Variants in CCDC57 observed in about 807,000 individuals in gnomAD.
The protein encoded by CCDC57 is coiled-coil domain containing 57.
Under a neutral mutation model 118.9 loss-of-function variants are expected in CCDC57, and 118 were observed. The ratio of observed to expected loss-of-function variants is 0.99; its 90% CI spans 0.86 to 1.16. The LOEUF (loss-of-function observed/expected upper bound fraction) is 1.16. Among genes scored for constraint, CCDC57 ranks in the 50% most tolerant of loss-of-function variants. The pLI, the probability that CCDC57 is intolerant of heterozygous loss-of-function variation, is 0.00. For synonymous variants in CCDC57, 527 were observed against 532.9 expected (o/e 0.99, Z 0.15); for missense variants, 1,300 against 1,320.7 (o/e 0.98, Z 0.24).
At chr17:82,127,005 TC>T (rs1242342514) in intron 19 of CCDC57, 2 of 985,098 alleles carry the variant, frequency 2.0e-6, no homozygotes, top group African/African-American at 3.5e-5. Context: ...TCTGTTTCCC[TC>T]CCCCCTTCTC....
At chr17:82,187,313 A>C (rs1451774589) in intron 8 of CCDC57, among the ~76,000 whole-genome samples, 1 of 150,214 alleles carries the variant, frequency 6.7e-6, no homozygotes, top group Admixed American at 6.7e-5. Flanking sequence ...TACAATAGTA[A>C]ATTTTATGTT....
intron 13 of CCDC57, among the ~76,000 whole-genome samples, chr17:82,164,011 G>C (rs1180209989): frequency 1.3e-5 from 2 of 152,076 alleles, no homozygotes; most frequent in Non-Finnish European, 2.9e-5. Flanking sequence ...CTGCACTCCA[G>C]CCTGGATAAC....
At chr17:82,101,617 TGA>T in exon 20 of CCDC57, 7 of 1,343,904 alleles carry the variant, frequency 5.2e-6, no homozygotes, top group Non-Finnish European at 7.2e-6. Context: ...AACACGTAGG[TGA>T]AAGCACAGGC....
At chr17:82,114,648 G>C (rs980740590) in intron 19 of CCDC57, among the ~76,000 whole-genome samples, 3 of 152,028 alleles carry the variant, frequency 2.0e-5, no homozygotes, top group Non-Finnish European at 4.4e-5. Context: ...TCACGATCCC[G>C]TGCTCTGTCT....
At chr17:82,139,470 C>T (rs1247685153) in intron 16 of CCDC57, among the ~76,000 whole-genome samples, 2 of 152,176 alleles carry the variant, frequency 1.3e-5, no homozygotes, top group African/African-American at 4.8e-5. Context: ...ATTCTCGTGC[C>T]TCAGCCTTTC....
chr17:82,120,269 G>A (rs954688324), intron 19 of CCDC57, among the ~76,000 whole-genome samples: 1 of 151,998 alleles, frequency 6.6e-6, no homozygotes, highest in African/African-American at 2.4e-5. Flanking sequence ...GGGTTTACAG[G>A]CTGAGTCACT....
intron 19 of CCDC57, among the ~76,000 whole-genome samples, chr17:82,115,824 G>A (rs1309526515): frequency 8.3e-6 from 1 of 120,830 alleles, no homozygotes; most frequent in Non-Finnish European, 1.6e-5. Flanking sequence ...TTGAGATGGA[G>A]TCTCACTCTG....
intron 16 of CCDC57, among the ~76,000 whole-genome samples, chr17:82,145,375 C>T (rs1394631954): frequency 6.6e-6 from 1 of 151,038 alleles, no homozygotes; most frequent in Non-Finnish European, 1.5e-5. Context: ...GGTGAAACCC[C>T]GTTTCTACTA....
chr17:82,157,354 T>C, intron 15 of CCDC57: 1 of 836,104 alleles, frequency 1.2e-6, no homozygotes. Flanking sequence ...GGCCCAACGC[T>C]AGGCATGGGG....
At chr17:82,169,329 A>G (rs1277357445) in intron 13 of CCDC57, among the ~76,000 whole-genome samples, 3 of 152,088 alleles carry the variant, frequency 2.0e-5, no homozygotes, top group Admixed American at 6.5e-5. Context: ...GGGTTTCACC[A>G]TGTTGGCCAG....
At chr17:82,144,056 AAAAACAAAAC>A (rs112574589) in intron 16 of CCDC57, among the ~76,000 whole-genome samples, 1 of 150,488 alleles carries the variant, frequency 6.6e-6, no homozygotes, top group Non-Finnish European at 1.5e-5. Context: ...ATTCCATCTC[AAAAACAAAAC>A]AAAACAAAAC....
At chr17:82,107,864 G>C (rs1466920753) in intron 19 of CCDC57, among the ~76,000 whole-genome samples, 1 of 152,198 alleles carries the variant, frequency 6.6e-6, no homozygotes, top group Non-Finnish European at 1.5e-5. Flanking sequence ...TCTCAGGACA[G>C]ATGCCTACAG....
At chr17:82,173,134 G>A (rs1599140362) in intron 11 of CCDC57, among the ~76,000 whole-genome samples, 1 of 152,318 alleles carries the variant, frequency 6.6e-6, no homozygotes, top group East Asian at 1.9e-4. Flanking sequence ...CTGGGGCTGT[G>A]GGCGGGGAGG....
Position 82,163,374 on chromosome 17 carries a change from C to T in CCDC57, c.1883-17G>A. Reference sequence around the variant, plus strand: ...CAGACCCTCCTGCAGAGAAGAGTGGCTTCTGTCAGCTCATACCTGAGAACA... The same window carrying T: ...CAGACCCTCCTGCAGAGAAGAGTGGTTTCTGTCAGCTCATACCTGAGAACA... On this transcript the variant is annotated splice_polypyrimidine_tract_variant and intron_variant, in intron 13 of 19. Coordinates refer to ENST00000665763, the Ensembl canonical transcript of CCDC57. The T allele has an allele frequency of 6.2e-7, 1 of 1,612,826 alleles. No homozygotes were observed. Among genetic ancestry groups the T allele is most frequent in the Non-Finnish European group, 8.5e-7 (1 of 1,179,026 alleles).
intron 13 of CCDC57, among the ~76,000 whole-genome samples, chr17:82,168,790 C>A (rs532631273): frequency 2.3e-5 from 2 of 88,832 alleles, no homozygotes; most frequent in African/African-American, 6.9e-5. Flanking sequence ...GGTCAATTAT[C>A]CTAAAAAAAA....
intron 19 of CCDC57, 140 bp from the exon 19 acceptor site, chr17:82,102,006 C>G: frequency 1.2e-6 from 1 of 833,902 alleles, no homozygotes; most frequent in East Asian, 2.9e-5. Flanking sequence ...TGGCTTTCCT[C>G]CAGGAGTCCG....
At chr17:82,188,309 T>C (rs7406116) in exon 8 of CCDC57, 52,757 of 1,601,854 alleles carry the variant, frequency 0.033, 1,207 homozygotes, top group African/African-American at 0.087. Context: ...GCAGTGGGCC[T>C]GCAGCTCCAG....
chr17:82,123,206 C>T (rs986482025), intron 19 of CCDC57, among the ~76,000 whole-genome samples: 18 of 144,874 alleles, frequency 1.2e-4, no homozygotes, highest in African/African-American at 3.9e-4. Flanking sequence ...CAGCTCACTG[C>T]GGCCTAGAAC....
chr17:82,145,341 G>A (rs1156504531), intron 16 of CCDC57, among the ~76,000 whole-genome samples: 2 of 146,282 alleles, frequency 1.4e-5, no homozygotes, highest in Non-Finnish European at 3.0e-5. Flanking sequence ...GAGGTCATGA[G>A]TATGAGACCA....
Sources: allele counts gnomAD v4.1 joint callset (sites outside exome capture counted in the v4.1 genomes callset), GRCh38; gene constraint gnomAD v4.1.1; transcripts MANE v1.5; gene names NCBI Gene and HGNC (gene_info 2026-07-23, HGNC 2026-07-21).